COMMD10: variants seen among roughly 807,000 people sequenced by gnomAD.
The protein encoded by COMMD10 is COMM domain-containing protein 10.
Under a neutral mutation model 28.9 loss-of-function variants are expected in COMMD10, and 33 were observed. That is an observed-to-expected ratio of 1.14 (90% CI 0.87 to 1.53). The LOEUF is 1.53. Ranked by LOEUF, COMMD10 falls within the 40% of genes most tolerant of loss-of-function variation. COMMD10 has a pLI of 0.00. For missense variants in COMMD10, 310 were observed against 233.4 expected (o/e 1.33, Z -2.14); for synonymous variants, 110 against 81.7 (o/e 1.35, Z -1.87).
At chr5:116,154,005 C>A (rs1752622568) in intron 5 of COMMD10, among the ~76,000 whole-genome samples, 1 of 151,976 alleles carries the variant, frequency 6.6e-6, no homozygotes, top group African/African-American at 2.4e-5. Context: ...TAGAGCTTAG[C>A]CACTCAACCA....
At chr5:116,236,657 G>T (rs1749673008) in intron 5 of COMMD10, among the ~76,000 whole-genome samples, 1 of 151,986 alleles carries the variant, frequency 6.6e-6, no homozygotes, top group East Asian at 1.9e-4. Flanking sequence ...AAACTGTGAA[G>T]AGAGTAAAAA....
chr5:116,267,861 T>C (rs917346848), intron 5 of COMMD10, among the ~76,000 whole-genome samples: 12 of 152,014 alleles, frequency 7.9e-5, no homozygotes, highest in East Asian at 7.7e-4. Context: ...GGATTCCCTA[T>C]TTAATAAATG....
At chr5:116,144,889 A>G (rs913742363) in intron 5 of COMMD10, among the ~76,000 whole-genome samples, 1 of 151,834 alleles carries the variant, frequency 6.6e-6, no homozygotes. Flanking sequence ...GTTTGTATGC[A>G]GATGCCACAG....
rs142102283 is a variant in COMMD10 at position 116,183,110 on chromosome 5, G to A, written c.510+48932G>A. On this transcript the variant is annotated intron_variant, in intron 5 of 6. Coordinates refer to ENST00000274458, the MANE Select transcript of COMMD10 (RefSeq NM_016144.4). ...TCGGTATTTCTTCATAGCAATGTGA[G>A]AACAGACTAATATAATGATCATAAA... Among the ~76,000 whole-genome samples the A allele has an allele frequency of 8.1e-3, 1,233 of 152,174 alleles. 13 individuals are homozygous for A. The highest frequency in any genetic ancestry group is 0.016 in the Admixed American group (243 of 15,266).
At chr5:116,233,631 G>C (rs1051237212) in intron 5 of COMMD10, among the ~76,000 whole-genome samples, 2 of 152,178 alleles carry the variant, frequency 1.3e-5, no homozygotes, top group African/African-American at 4.8e-5. Flanking sequence ...CTTGAGTAAA[G>C]ATTTGAAAGA....
chr5:116,152,352 A>AT (rs974372879), intron 5 of COMMD10, among the ~76,000 whole-genome samples: 23 of 151,974 alleles, frequency 1.5e-4, no homozygotes, highest in African/African-American at 3.4e-4. Context: ...TCCCTGTGGG[A>AT]TTTTTTTTCA....
intron 5 of COMMD10, among the ~76,000 whole-genome samples, chr5:116,209,248 CAA>C (rs747457882): frequency 2.0e-5 from 3 of 151,950 alleles, no homozygotes; most frequent in Non-Finnish European, 2.9e-5. Flanking sequence ...TTTATAAAAA[CAA>C]GAGATTAAGT....
At chr5:116,159,706 C>A (rs566736190) in intron 5 of COMMD10, among the ~76,000 whole-genome samples, 10 of 152,196 alleles carry the variant, frequency 6.6e-5, no homozygotes, top group Admixed American at 3.3e-4. Context: ...TGCAGAGATG[C>A]ATGGGGTTGA....
chr5:116,166,370 T>G (rs1753098647), intron 5 of COMMD10, among the ~76,000 whole-genome samples: 1 of 152,206 alleles, frequency 6.6e-6, no homozygotes, highest in Non-Finnish European at 1.5e-5. Flanking sequence ...ATAATTGGAA[T>G]TCTCCATAGA....
chr5:116,176,053 GAAA>G (rs111673458), intron 5 of COMMD10, among the ~76,000 whole-genome samples: 1 of 151,092 alleles, frequency 6.6e-6, no homozygotes, highest in African/African-American at 2.4e-5. Flanking sequence ...CCACAATTTA[GAAA>G]AAAAAATGTT....
At chr5:116,125,917 G>A (rs897782408) in intron 4 of COMMD10, among the ~76,000 whole-genome samples, 1 of 152,118 alleles carries the variant, frequency 6.6e-6, no homozygotes, top group Non-Finnish European at 1.5e-5. Context: ...AGTGTTGGAA[G>A]TTCTGGCCAG....
chr5:116,219,504 A>T (rs545011041), intron 5 of COMMD10, among the ~76,000 whole-genome samples: 18 of 152,174 alleles, frequency 1.2e-4, no homozygotes, highest in Non-Finnish European at 2.5e-4. Context: ...TGACACAGAC[A>T]TACATAAGAG....
At chr5:116,101,289 C>T (rs905188630) in intron 4 of COMMD10, among the ~76,000 whole-genome samples, 2 of 152,076 alleles carry the variant, frequency 1.3e-5, no homozygotes, top group African/African-American at 4.8e-5. Flanking sequence ...AATGTTAGTT[C>T]TAGTTTTAGT....
intron 5 of COMMD10, among the ~76,000 whole-genome samples, chr5:116,134,966 A>G (rs1751983927): frequency 6.6e-6 from 1 of 152,170 alleles, no homozygotes; most frequent in Admixed American, 6.5e-5. Flanking sequence ...TATTAATTTC[A>G]GAACAACTTG....
chr5:116,161,352 A>G (rs1561640096), intron 5 of COMMD10, among the ~76,000 whole-genome samples: 2 of 152,196 alleles, frequency 1.3e-5, no homozygotes, highest in South Asian at 4.1e-4. Context: ...GTATAATAGA[A>G]GCTGAATAAA....
intron 5 of COMMD10, among the ~76,000 whole-genome samples, chr5:116,169,750 T>A (rs150919395): frequency 0.054 from 8,235 of 152,184 alleles, 317 homozygotes; most frequent in East Asian, 0.16. Context: ...CATTATTATC[T>A]CAATAGATGT....
At chr5:116,180,138 A>T (rs1156265643) in intron 5 of COMMD10, among the ~76,000 whole-genome samples, 1 of 152,090 alleles carries the variant, frequency 6.6e-6, no homozygotes, top group South Asian at 2.1e-4. Flanking sequence ...TTTTGAATTT[A>T]GGGTTAATTG....
intron 4 of COMMD10, among the ~76,000 whole-genome samples, chr5:116,122,464 G>A (rs1248779423): frequency 6.6e-6 from 1 of 152,190 alleles, no homozygotes; most frequent in Non-Finnish European, 1.5e-5. Flanking sequence ...TGGCAATGAG[G>A]GCTCTTTTTT....
At chr5:116,119,503 T>G (rs1304420382) in intron 4 of COMMD10, among the ~76,000 whole-genome samples, 1 of 152,204 alleles carries the variant, frequency 6.6e-6, no homozygotes, top group East Asian at 1.9e-4. Flanking sequence ...GTATGTCTTA[T>G]GAAAGTAGGC....
Sources: gnomAD v4.1 joint callset for allele counts (sites outside exome capture counted in the v4.1 genomes callset) on GRCh38, gnomAD v4.1.1 for gene constraint, MANE v1.5 for transcripts, NCBI Gene and HGNC (gene_info 2026-07-23, HGNC 2026-07-21) for gene names.